MYBPC1: variants seen among roughly 807,000 people sequenced by gnomAD.
MYBPC1 encodes myosin-binding protein C, slow-type.
A neutral mutation model predicts 147.1 loss-of-function variants in MYBPC1; 52 were observed. That is an observed-to-expected ratio of 0.35 (90% confidence interval 0.28 to 0.45). The LOEUF (loss-of-function observed/expected upper bound fraction) is 0.45. Ranked by LOEUF, MYBPC1 falls within the 20% of genes least tolerant of loss-of-function variation. The probability of loss-of-function intolerance (pLI) is 1.00; values close to 1 mark genes in which losing one functional copy is unlikely to be tolerated. For missense variants in MYBPC1, 1,228 were observed against 1,440.3 expected, an observed-to-expected ratio of 0.85 and a Z score of 2.39; for synonymous variants, 477 against 475.9, an observed-to-expected ratio of 1.00 and a Z score of -0.03.
chr12:101,653,520 TG>T (rs1278740248), intron 18 of MYBPC1, among the ~76,000 whole-genome samples: 9 of 151,990 alleles, frequency 5.9e-5, no homozygotes, highest in African/African-American at 2.2e-4. Context: ...CTAATGAAAT[TG>T]GGGGGATGAA....
intron 22 of MYBPC1, chr12:101,666,606 C>T: frequency 2.3e-6 from 2 of 869,526 alleles, no homozygotes; most frequent in Non-Finnish European, 3.8e-6. Context: ...CGTTTGGTCT[C>T]TTCCGTCACT....
At chr12:101,600,927 A>G (rs554925368) in intron 1 of MYBPC1, among the ~76,000 whole-genome samples, 1 of 152,328 alleles carries the variant, frequency 6.6e-6, no homozygotes, top group South Asian at 2.1e-4. Context: ...ATGTGGCCAC[A>G]TCTTCTTTGT....
At chr12:101,656,585 A>G (rs1895580747) in intron 18 of MYBPC1, among the ~76,000 whole-genome samples, 1 of 152,190 alleles carries the variant, frequency 6.6e-6, no homozygotes, top group Non-Finnish European at 1.5e-5. Context: ...AAAGCGAAGA[A>G]ATTTATCTGG....
intron 11 of MYBPC1, 72 bp from the exon 12 acceptor site, chr12:101,644,592 T>C: frequency 7.2e-7 from 1 of 1,382,944 alleles, no homozygotes; most frequent in Non-Finnish European, 1.0e-6. Context: ...TTCTCCTACA[T>C]GTATTGACTA....
At chr12:101,688,694 C>G (rs1951381347), downstream of MYBPC1, among the ~76,000 whole-genome samples, 1 of 140,666 alleles carries the variant, frequency 7.1e-6, no homozygotes, top group Non-Finnish European at 1.6e-5. Context: ...GGTGTGGTGG[C>G]TGACGTCTGT....
chr12:101,643,325 T>A (rs1350070041), intron 11 of MYBPC1, among the ~76,000 whole-genome samples: 2 of 152,130 alleles, frequency 1.3e-5, no homozygotes, highest in African/African-American at 2.4e-5. Context: ...GTAGTAGGGT[T>A]TTTTTTAGTT....
intron 9 of MYBPC1, among the ~76,000 whole-genome samples, chr12:101,635,488 A>G (rs1890806275): frequency 2.0e-5 from 3 of 152,204 alleles, no homozygotes; most frequent in Non-Finnish European, 4.4e-5. Context: ...AAGTTATTTA[A>G]TATTACTGGT....
chr12:101,670,216 T>G, intron 23 of MYBPC1, 105 bp from the exon 24 acceptor site: 4 of 890,390 alleles, frequency 4.5e-6, no homozygotes, highest in Non-Finnish European at 7.7e-6. Flanking sequence ...ATTGCAGAGA[T>G]ATGCCACAAG....
At chr12:101,641,514 A>T (rs1892037518) in intron 10 of MYBPC1, among the ~76,000 whole-genome samples, 1 of 152,200 alleles carries the variant, frequency 6.6e-6, no homozygotes, top group African/African-American at 2.4e-5. Context: ...TTTTTAACAC[A>T]TATATGTTCT....
intron 3 of MYBPC1, among the ~76,000 whole-genome samples, chr12:101,618,497 T>C (rs767017979): frequency 6.6e-6 from 1 of 152,214 alleles, no homozygotes. Context: ...ACAAGGCCAA[T>C]GGGCATACAC....
chr12:101,629,091 A>G (rs1889264334), intron 5 of MYBPC1: 2 of 362,282 alleles, frequency 5.5e-6, no homozygotes, highest in African/African-American at 2.1e-5. Context: ...TACTGCTTGA[A>G]TACACTGGCC....
chr12:101,661,580 G>T (rs1400261952), intron 20 of MYBPC1, among the ~76,000 whole-genome samples: 1 of 152,094 alleles, frequency 6.6e-6, no homozygotes, highest in East Asian at 1.9e-4. Flanking sequence ...TGTCTATGAA[G>T]AAATTTATTT....
At chr12:101,670,123 CCACACACA>C (rs58177042) in intron 23 of MYBPC1, among the ~76,000 whole-genome samples, 190 bp from the exon 24 acceptor site, 34 of 146,310 alleles carry the variant, frequency 2.3e-4, no homozygotes, top group Middle Eastern at 3.5e-3. Context: ...TGTGTGGAAA[CCACACACA>C]CACACACACA....
At chr12:101,667,196 T>C (rs1367333639) in intron 22 of MYBPC1, among the ~76,000 whole-genome samples, 1 of 152,206 alleles carries the variant, frequency 6.6e-6, no homozygotes, top group East Asian at 1.9e-4. Flanking sequence ...CTTTGTGAAA[T>C]AAGCTTTTTC....
intron 22 of MYBPC1, among the ~76,000 whole-genome samples, chr12:101,664,798 C>T (rs930120562): frequency 6.6e-6 from 1 of 152,168 alleles, no homozygotes; most frequent in Non-Finnish European, 1.5e-5. Flanking sequence ...GCAGTGGAAA[C>T]GTCAGAAATT....
chr12:101,669,946 A>AG, intron 23 of MYBPC1: 1 of 351,972 alleles, frequency 2.8e-6, no homozygotes, highest in Non-Finnish European at 5.4e-6. Flanking sequence ...AAAAGAAAAA[A>AG]AAAAAGAAAC....
Position 101,685,834 on chromosome 12 carries a change from C to A in MYBPC1, c.*272C>A. ...GAGAAAAAAAAAAAAAAAAGTTTGC[C>A]CAGATTGCTTAATTAAAAATTGCAA... On this transcript the variant is annotated 3_prime_UTR_variant, in exon 32 of 32. Coordinates refer to ENST00000361466, the MANE Select transcript of MYBPC1 (RefSeq NM_002465.4). 2 of 576,174 alleles carry A rather than the reference C, an allele frequency of 3.5e-6. No homozygotes were observed. The highest frequency in any genetic ancestry group is 3.3e-5 in the East Asian group (1 of 30,308). 35.7% of individuals were successfully genotyped at this position (576,174 alleles called of 1,614,324 possible).
intron 1 of MYBPC1, among the ~76,000 whole-genome samples, chr12:101,611,645 TC>T (rs1884306757): frequency 6.6e-6 from 1 of 152,172 alleles, no homozygotes; most frequent in Non-Finnish European, 1.5e-5. Flanking sequence ...GAAGGAAAGA[TC>T]CCTGGCTTTG....
intron 18 of MYBPC1, among the ~76,000 whole-genome samples, chr12:101,658,562 A>G (rs553391489): frequency 2.6e-5 from 4 of 152,320 alleles, no homozygotes; most frequent in Admixed American, 1.3e-4. Context: ...AAAGAAAAAA[A>G]GGGTATACAA....
Sources: gnomAD v4.1 joint callset for allele counts (sites outside exome capture counted in the v4.1 genomes callset) on GRCh38, gnomAD v4.1.1 for gene constraint, MANE v1.5 for transcripts, NCBI Gene and HGNC (gene_info 2026-07-23, HGNC 2026-07-21) for gene names.